PRDM6: variants seen among roughly 807,000 people sequenced by gnomAD.
PRDM6 encodes the protein putative histone-lysine N-methyltransferase PRDM6.
PRDM6 carries 25 observed loss-of-function variants against 60.8 expected under a neutral mutation model. The observed-to-expected ratio is 0.41, with a 90% CI of 0.30 to 0.57. PRDM6 has a LOEUF of 0.57. PRDM6 is among the 20% of genes least tolerant of loss of function. The pLI is 0.27. For synonymous variants in PRDM6, 407 were observed against 357.4 expected (o/e 1.14, Z -1.57); for missense variants, 839 against 821.3 (o/e 1.02, Z -0.26).
intron 3 of PRDM6, among the ~76,000 whole-genome samples, chr5:123,139,300 G>A (rs912012092): frequency 6.6e-5 from 10 of 151,962 alleles, no homozygotes; most frequent in African/African-American, 2.2e-4. Flanking sequence ...ACAAGAAAAA[G>A]AATTTATTAT....
chr5:123,172,285 C>T (rs1765909454), intron 6 of PRDM6, among the ~76,000 whole-genome samples: 1 of 152,096 alleles, frequency 6.6e-6, no homozygotes, highest in Non-Finnish European at 1.5e-5. Context: ...GTGCACATTA[C>T]ACATGCATAC....
At chr5:123,180,783 T>G (rs1399180309) in intron 7 of PRDM6, among the ~76,000 whole-genome samples, 2 of 152,212 alleles carry the variant, frequency 1.3e-5, no homozygotes, top group African/African-American at 4.8e-5. Flanking sequence ...TCTGATGAAA[T>G]ATATCCTCCT....
chr5:123,192,057 T>A lies in PRDM6; in HGVS notation c.*4856T>A, dbSNP rs146737601. 4 of 152,350 alleles carry A rather than the reference T, an allele frequency of 2.6e-5. No individual in the cohort carries two copies. The highest frequency in any genetic ancestry group is 5.9e-5 in the Non-Finnish European group (4 of 68,032). 9.4% of individuals were successfully genotyped at this position (152,350 alleles called of 1,614,324 possible). ...CATGAAACATTTGAATTGTCTTTCC[T>A]ATAGACTGAATATGCCACCACTGCA... On this transcript the variant is annotated 3_prime_UTR_variant, in exon 8 of 8. Transcript: ENST00000407847.
At chr5:123,118,026 G>A (rs1221485868) in intron 3 of PRDM6, among the ~76,000 whole-genome samples, 1 of 152,250 alleles carries the variant, frequency 6.6e-6, no homozygotes, top group Non-Finnish European at 1.5e-5. Flanking sequence ...TACAGTCTGT[G>A]AGGGAGACAT....
At chr5:123,097,256 G>T (rs980855662) in intron 2 of PRDM6, among the ~76,000 whole-genome samples, 1 of 152,218 alleles carries the variant, frequency 6.6e-6, no homozygotes, top group African/African-American at 2.4e-5. Flanking sequence ...GGGAAAGAGA[G>T]AAACCTCTAT....
intron 5 of PRDM6, among the ~76,000 whole-genome samples, chr5:123,166,550 A>G (rs1391819068): frequency 1.3e-5 from 2 of 152,190 alleles, no homozygotes; most frequent in South Asian, 2.1e-4. Context: ...GTTACATTTG[A>G]TGAAACTGAG....
chr5:123,144,975 A>G (rs918127138), intron 3 of PRDM6, among the ~76,000 whole-genome samples: 2 of 152,056 alleles, frequency 1.3e-5, no homozygotes, highest in Admixed American at 6.6e-5. Flanking sequence ...CAAACAACCA[A>G]CCAACTGACA....
At chr5:123,177,331 T>G (rs914163099) in intron 6 of PRDM6, among the ~76,000 whole-genome samples, 1 of 152,256 alleles carries the variant, frequency 6.6e-6, no homozygotes, top group Non-Finnish European at 1.5e-5. Flanking sequence ...GCTAACTTTC[T>G]ATAAATTTCT....
At chr5:123,148,523 T>C (rs925697827) in intron 3 of PRDM6, among the ~76,000 whole-genome samples, 3 of 151,778 alleles carry the variant, frequency 2.0e-5, no homozygotes, top group African/African-American at 7.2e-5. Flanking sequence ...ACACATAATA[T>C]GGGCACACTA....
In PRDM6 at chr5:123,170,854, C is replaced by G; in HGVS notation, c.1242C>G (p.Thr414=). Residue 414 remains threonine, a synonymous_variant, in exon 6 of 8, where the codon ACC becomes ACG. Coordinates refer to ENST00000407847, the MANE Select transcript of PRDM6 (RefSeq NM_001136239.4). ...FNKSSKLAPT[T]QQRSVVFPQT... ...AAAGCAGCAAACTCGCCCCTACCAC[C>G]CAGCAGCGCTCCGTTGTTTTCCCCC... is the stretch of plus-strand genomic sequence containing the variant. 2 of 1,552,254 alleles carry G rather than the reference C, an allele frequency of 1.3e-6. No homozygotes were observed. Among genetic ancestry groups the G allele is most frequent in the Non-Finnish European group, 1.7e-6 (2 of 1,147,116 alleles).
chr5:123,187,707 G>A lies in PRDM6; in HGVS notation c.*506G>A, dbSNP rs977636705. 6.4e-6 allele frequency: 1 copy of A among 155,410 alleles called. No homozygotes were observed. Among genetic ancestry groups the A allele is most frequent in the African/African-American group, 2.4e-5 (1 of 41,480 alleles). 9.6% of individuals were successfully genotyped at this position (155,410 alleles called of 1,614,324 possible). ...CGGGGACCACGGAAGCAGAGTGAGA[G>A]CCTTCGCTGAGTCAATGCTACCTTC... On this transcript the variant is annotated 3_prime_UTR_variant, in exon 8 of 8. Transcript: ENST00000407847.
intron 3 of PRDM6, among the ~76,000 whole-genome samples, chr5:123,116,674 G>T (rs906516714): frequency 5.6e-4 from 85 of 152,230 alleles, no homozygotes; most frequent in African/African-American, 2.0e-3. Flanking sequence ...TTTGCTTTAG[G>T]CCAGTTGAAA....
intron 3 of PRDM6, among the ~76,000 whole-genome samples, chr5:123,108,235 T>A (rs1409513353): frequency 6.6e-6 from 1 of 152,218 alleles, no homozygotes; most frequent in African/African-American, 2.4e-5. Context: ...GTATCTTCTA[T>A]AGAAACATCC....
Position 123,187,611 on chromosome 5 carries a change from C to A in PRDM6, c.*410C>A, listed in dbSNP as rs1766318067. 5.2e-6 allele frequency: 1 copy of A among 193,572 alleles called. No individual in the cohort carries two copies. The highest frequency in any genetic ancestry group is 5.5e-5 in the Admixed American group (1 of 18,174). The allele number at this position is 193,572 out of a possible 1,614,324, so 12.0% of individuals were successfully genotyped here. A position where few individuals can be genotyped will look rare whatever the true frequency, so the allele number is the denominator to read the frequency against. On this transcript the variant is annotated 3_prime_UTR_variant, in exon 8 of 8. Coordinates refer to ENST00000407847, the MANE Select transcript of PRDM6 (RefSeq NM_001136239.4). ...TGCACCTTTTTTTAGTAACATGTTT[C>A]ATGGGGACCCACTGTACAGCCCTTC... is the stretch of plus-strand genomic sequence containing the variant.
At chr5:123,160,553 A>T (rs978883039) in intron 5 of PRDM6, among the ~76,000 whole-genome samples, 4 of 151,568 alleles carry the variant, frequency 2.6e-5, no homozygotes, top group Non-Finnish European at 5.9e-5. Flanking sequence ...GTGGGTTTTT[A>T]AAATTTTCTT....
At chr5:123,107,320 T>C (rs976509779) in intron 3 of PRDM6, among the ~76,000 whole-genome samples, 10 of 152,272 alleles carry the variant, frequency 6.6e-5, no homozygotes, top group African/African-American at 1.9e-4. Flanking sequence ...ACAGATATAT[T>C]GTGGAATCAC....
At chr5:123,163,719 T>C (rs541191180) in intron 5 of PRDM6, among the ~76,000 whole-genome samples, 1 of 151,808 alleles carries the variant, frequency 6.6e-6, no homozygotes, top group Admixed American at 6.6e-5. Context: ...TCCTGCAGAG[T>C]GTAAAGACCT....
intron 7 of PRDM6, among the ~76,000 whole-genome samples, chr5:123,185,672 A>T (rs188809719): frequency 1.0e-3 from 154 of 152,324 alleles, no homozygotes; most frequent in African/African-American, 3.4e-3. Context: ...TCCCCCTGAC[A>T]CACTCCGCTG....
rs1217402207 is a variant in PRDM6 at position 123,171,490 on chromosome 5, C to T, written c.1496+382C>T. ...GTCACAGTCATTTCAGGGTTCACCT[C>T]CAGTGTGCCGTGGGTATGAACTTAA... On this transcript the variant is annotated intron_variant, in intron 6 of 7. Transcript: ENST00000407847. Among the ~76,000 whole-genome samples, 3 of 152,202 alleles carry T rather than the reference C, an allele frequency of 2.0e-5. 1 individual carries two copies. Among genetic ancestry groups the T allele is most frequent in the Non-Finnish European group, 4.4e-5 (3 of 68,038 alleles).
Sources: allele counts gnomAD v4.1 joint callset (sites outside exome capture counted in the v4.1 genomes callset), GRCh38; gene constraint gnomAD v4.1.1; transcripts MANE v1.5; gene names NCBI Gene and HGNC (gene_info 2026-07-23, HGNC 2026-07-21).